ACACB: variants seen among roughly 807,000 people sequenced by gnomAD.
ACACB encodes the protein acetyl-CoA carboxylase beta.
A neutral mutation model predicts 278.8 loss-of-function variants in ACACB; 209 were observed. The ratio of observed to expected loss-of-function variants is 0.75; its 90% CI spans 0.67 to 0.84. ACACB has a LOEUF of 0.84. Ranked by LOEUF, ACACB falls within the 40% of genes least tolerant of loss-of-function variation. The probability of loss-of-function intolerance (pLI) is 0.00; values close to 1 mark genes in which losing one functional copy is unlikely to be tolerated. For synonymous variants in ACACB, 1,174 were observed against 1,285.6 expected (o/e 0.91, Z 1.86); for missense variants, 2,850 against 3,269.0 (o/e 0.87, Z 3.13).
chr12:109,261,706 A>G (rs2047381806), intron 48 of ACACB, among the ~76,000 whole-genome samples: 2 of 152,016 alleles, frequency 1.3e-5, no homozygotes, highest in South Asian at 4.1e-4. Context: ...CCCCGTCTCT[A>G]CTAAAAATAC....
chr12:109,162,676 G>C (rs769181140), intron 2 of ACACB, among the ~76,000 whole-genome samples: 1 of 152,222 alleles, frequency 6.6e-6, no homozygotes, highest in African/African-American at 2.4e-5. Flanking sequence ...GAACTTCCCC[G>C]TTCCCCCCGG....
At chr12:109,177,079 A>G (rs1339268419) in intron 9 of ACACB, among the ~76,000 whole-genome samples, 2 of 152,144 alleles carry the variant, frequency 1.3e-5, no homozygotes, top group Non-Finnish European at 2.9e-5. Context: ...TTTCTTCTAG[A>G]CCTTCTTCAT....
chr12:109,239,265 T>C (rs2046725568), intron 34 of ACACB, among the ~76,000 whole-genome samples: 1 of 152,084 alleles, frequency 6.6e-6, no homozygotes, highest in Non-Finnish European at 1.5e-5. Context: ...GGCCAACAGA[T>C]AAGGAGACAA....
At chr12:109,226,569 C>T (rs898964047) in intron 27 of ACACB, among the ~76,000 whole-genome samples, 5 of 151,824 alleles carry the variant, frequency 3.3e-5, no homozygotes, top group African/African-American at 4.8e-5. Context: ...CATGGTGGTG[C>T]ATGCCTGTAA....
chr12:109,114,785 G>C (rs569655656), upstream of ACACB, among the ~76,000 whole-genome samples: 1 of 151,880 alleles, frequency 6.6e-6, no homozygotes, highest in Non-Finnish European at 1.5e-5. Flanking sequence ...CCAGGAGTTC[G>C]AGGCTGCAGT....
chr12:109,166,702 C>A (rs1014387493), intron 2 of ACACB, among the ~76,000 whole-genome samples, 159 bp from the exon 3 acceptor site: 1 of 147,620 alleles, frequency 6.8e-6, no homozygotes, highest in African/African-American at 2.5e-5. Flanking sequence ...TGCCCTTGAG[C>A]CTCCTTGTAA....
At chr12:109,206,600 C>A in intron 19 of ACACB, 110 bp from the exon 20 acceptor site, 2 of 1,323,068 alleles carry the variant, frequency 1.5e-6, no homozygotes, top group Non-Finnish European at 2.1e-6. Flanking sequence ...CAGACCTCAT[C>A]CTCACTTGAT....
Position 109,266,513 on chromosome 12 carries a change from G to C in ACACB, c.*151G>C. The C allele has an allele frequency of 9.8e-7, 1 of 1,017,164 alleles. No homozygotes were observed. The highest frequency in any genetic ancestry group is 2.1e-5 in the South Asian group (1 of 46,680). The allele number at this position is 1,017,164 out of a possible 1,614,324, so 63.0% of individuals were successfully genotyped here. A position where few individuals can be genotyped will look rare whatever the true frequency, so the allele number is the denominator to read the frequency against. Reference sequence around the variant, plus strand: ...GGCTGCTGGTTCCGAGCTGACACCCGTCTTAACAAAAGGCCCAGGAGTGCC... The same window carrying C: ...GGCTGCTGGTTCCGAGCTGACACCCCTCTTAACAAAAGGCCCAGGAGTGCC... On this transcript the variant is annotated 3_prime_UTR_variant, in exon 53 of 53. Coordinates refer to ENST00000338432, the MANE Select transcript of ACACB (RefSeq NM_001093.4).
chr12:109,216,110 GTT>G (rs1292451341), intron 22 of ACACB, among the ~76,000 whole-genome samples: 1 of 146,912 alleles, frequency 6.8e-6, no homozygotes, highest in East Asian at 2.1e-4. Context: ...TAATTTTTTT[GTT>G]TTGTTTTGTA....
chr12:109,146,248 G>A (rs1593400239), intron 2 of ACACB, among the ~76,000 whole-genome samples: 2 of 152,206 alleles, frequency 1.3e-5, no homozygotes, highest in African/African-American at 4.8e-5. Context: ...AAGCCACAGT[G>A]AAGAAGTGAC....
At chr12:109,159,817 C>T (rs983462855) in intron 2 of ACACB, among the ~76,000 whole-genome samples, 6 of 151,966 alleles carry the variant, frequency 3.9e-5, no homozygotes, top group Admixed American at 6.6e-5. Flanking sequence ...GGGCTGGGCG[C>T]GGTGGCTCAC....
chr12:109,237,606 GTC>G (rs571938935), intron 34 of ACACB, among the ~76,000 whole-genome samples: 49 of 152,262 alleles, frequency 3.2e-4, no homozygotes, highest in African/African-American at 1.2e-3. Flanking sequence ...TATTATGTGG[GTC>G]TCTGCGCATG....
intron 24 of ACACB, among the ~76,000 whole-genome samples, chr12:109,220,626 A>G (rs2046132657): frequency 6.6e-6 from 1 of 152,142 alleles, no homozygotes; most frequent in Non-Finnish European, 1.5e-5. Flanking sequence ...ATCTCGGCTC[A>G]CTACAACCTC....
Position 109,254,291 on chromosome 12 carries a change from T to C in ACACB, c.6123T>C (p.Ala2041=). The C allele has an allele frequency of 6.2e-7, 1 of 1,611,858 alleles. No individual in the cohort carries two copies. The highest frequency in any genetic ancestry group is 8.5e-7 in the Non-Finnish European group (1 of 1,179,850). Residue 2041 remains alanine, a synonymous_variant, in exon 44 of 53, where the codon GCT becomes GCC. Transcript: ENST00000338432. ...AAATTGAATTCCTCCCATCCAGAGCTCCCTACGACCCCCGGTGGATGCTTG... is the reference window on the plus strand; with the variant it reads ...AAATTGAATTCCTCCCATCCAGAGCCCCCTACGACCCCCGGTGGATGCTTG... ...DREIEFLPSR[A]PYDPRWMLAG...
intron 50 of ACACB, 24 bp from the exon 51 acceptor site, chr12:109,265,086 G>A (rs773337608): frequency 1.9e-6 from 3 of 1,588,028 alleles, no homozygotes; most frequent in African/African-American, 1.3e-5. Context: ...CCTTTCCGGG[G>A]ATTCAAGCCT....
chr12:109,123,180 C>CA (rs371374660), intron 1 of ACACB, among the ~76,000 whole-genome samples: 28,906 of 121,668 alleles, frequency 0.24, 2,979 homozygotes, highest in East Asian at 0.32. Flanking sequence ...GACTCCATCT[C>CA]AAAAAAAAAA....
intron 10 of ACACB, 79 bp downstream of exon 10, chr12:109,179,376 G>A (rs1302603468): frequency 8.9e-6 from 13 of 1,458,032 alleles, no homozygotes; most frequent in South Asian, 3.7e-5. Context: ...TCTACGGTCA[G>A]TGTGGCTGAA....
intron 19 of ACACB, among the ~76,000 whole-genome samples, chr12:109,205,794 G>T (rs930286255): frequency 3.3e-5 from 5 of 151,986 alleles, no homozygotes; most frequent in Non-Finnish European, 5.9e-5. Flanking sequence ...GCAGGGCTAG[G>T]GGTGGGGATG....
intron 27 of ACACB, among the ~76,000 whole-genome samples, chr12:109,224,675 G>GC (rs1257195026): frequency 4.6e-5 from 7 of 151,788 alleles, no homozygotes; most frequent in African/African-American, 1.7e-4. Context: ...GGGCCTACAG[G>GC]CGCCCACCAC....
Sources: allele counts gnomAD v4.1 joint callset (sites outside exome capture counted in the v4.1 genomes callset), GRCh38; gene constraint gnomAD v4.1.1; transcripts MANE v1.5; gene names NCBI Gene and HGNC (gene_info 2026-07-23, HGNC 2026-07-21).